Variants in CTTNBP2 observed in about 807,000 individuals in gnomAD.
CTTNBP2 encodes cortactin-binding protein 2.
CTTNBP2 carries 108 observed loss-of-function variants against 156.9 expected under a neutral mutation model. The ratio of observed to expected loss-of-function variants is 0.69; its 90% CI spans 0.59 to 0.81. CTTNBP2 has a LOEUF of 0.81. Ranked by LOEUF, CTTNBP2 falls within the 30% of genes least tolerant of loss-of-function variation. The pLI is 0.00. For missense variants in CTTNBP2, 1,924 were observed against 2,035.4 expected (o/e 0.95, Z 1.05); for synonymous variants, 767 against 751.8 (o/e 1.02, Z -0.33).
intron 2 of CTTNBP2, among the ~76,000 whole-genome samples, chr7:117,825,017 G>T (rs1419929126): frequency 6.6e-6 from 1 of 152,124 alleles, no homozygotes; most frequent in Non-Finnish European, 1.5e-5. Context: ...TTATCCATAA[G>T]CAGGGCATGC....
intron 8 of CTTNBP2, among the ~76,000 whole-genome samples, chr7:117,768,091 GCA>G (rs34630353): frequency 0.81 from 119,669 of 148,390 alleles, 48,216 homozygotes; most frequent in East Asian, 0.97. Context: ...TCCTGTAAAT[GCA>G]CACACACACA....
intron 2 of CTTNBP2, among the ~76,000 whole-genome samples, chr7:117,854,621 C>T (rs554782022): frequency 3.0e-4 from 45 of 152,212 alleles, no homozygotes; most frequent in African/African-American, 1.0e-3. Flanking sequence ...ATATGTAATA[C>T]ATTTTGAAAG....
rs2116371100 is a variant in CTTNBP2 at position 117,719,408 on chromosome 7, T to TATCA, written c.4644+92_4644+95dup. 5.1e-6 allele frequency: 6 copies of TATCA among 1,167,316 alleles called. No individual in the cohort carries two copies. In the South Asian group the frequency reaches 9.3e-5, roughly 18 times the overall value. 72.3% of individuals were successfully genotyped at this position (1,167,316 alleles called of 1,614,324 possible). A position where few individuals can be genotyped will look rare whatever the true frequency, so the allele number is the denominator to read the frequency against. On this transcript the variant is annotated intron_variant, in intron 21 of 22. Coordinates refer to ENST00000160373, the MANE Select transcript of CTTNBP2 (RefSeq NM_033427.3). ...GTTTGATTTGGATCATTAACCATAC[T>TATCA]ATCAATAAGGAATTTCTTTTAGGGA...
At chr7:117,719,059 G>A (rs1051459059) in intron 21 of CTTNBP2, among the ~76,000 whole-genome samples, 14 of 152,074 alleles carry the variant, frequency 9.2e-5, no homozygotes, top group South Asian at 2.1e-4. Context: ...TTAGCCAGGC[G>A]TTGTGGGGGA....
intron 4 of CTTNBP2, among the ~76,000 whole-genome samples, chr7:117,787,904 GGAGGGA>G (rs1303340927): frequency 6.6e-6 from 1 of 152,170 alleles, no homozygotes; most frequent in South Asian, 2.1e-4. Context: ...AGTTCTCCAA[GGAGGGA>G]GAGGTAGTTT....
intron 22 of CTTNBP2, among the ~76,000 whole-genome samples, chr7:117,715,053 G>T (rs1396009599): frequency 3.3e-5 from 5 of 152,164 alleles, no homozygotes; most frequent in Non-Finnish European, 7.3e-5. Context: ...TAAAGAATTG[G>T]TAAATCAGAG....
chr7:117,783,059 C>A, intron 5 of CTTNBP2, 98 bp from the exon 6 acceptor site: 1 of 788,078 alleles, frequency 1.3e-6, no homozygotes, highest in Non-Finnish European at 2.1e-6. Flanking sequence ...CCCAAAGGGA[C>A]TCTCCCCTGC....
intron 1 of CTTNBP2, among the ~76,000 whole-genome samples, chr7:117,862,227 T>C (rs900912453): frequency 7.7e-6 from 1 of 130,368 alleles, no homozygotes; most frequent in Non-Finnish European, 1.6e-5. Context: ...TTGGCAGGCC[T>C]GGGAGGGAGC....
Position 117,804,559 on chromosome 7 carries a change from G to A in CTTNBP2, c.414+6206C>T, listed in dbSNP as rs139170818. Among the ~76,000 whole-genome samples the A allele has an allele frequency of 2.1e-4, 32 of 152,204 alleles. No homozygotes were observed. The South Asian group carries it at 2.7e-3, about 13-fold the overall frequency. ...TGACAGACTGGATAAAGAAAATGTC[G>A]TACATATACACCATGGGATACTATA... On this transcript the variant is annotated intron_variant, in intron 3 of 22. Coordinates refer to ENST00000160373, the MANE Select transcript of CTTNBP2 (RefSeq NM_033427.3).
chr7:117,719,880 C>T (rs1264489294), intron 20 of CTTNBP2, among the ~76,000 whole-genome samples: 1 of 152,132 alleles, frequency 6.6e-6, no homozygotes, highest in East Asian at 1.9e-4. Context: ...GTACAATATT[C>T]CAAGCTCCTT....
At chr7:117,731,643 T>C (rs146307190) in intron 16 of CTTNBP2, among the ~76,000 whole-genome samples, 262 of 152,342 alleles carry the variant, frequency 1.7e-3, no homozygotes, top group African/African-American at 4.8e-3. Context: ...TACTGGAGCT[T>C]GGTGTGCCAC....
At chr7:117,746,848 T>C (rs1157012237) in intron 12 of CTTNBP2, among the ~76,000 whole-genome samples, 1 of 152,206 alleles carries the variant, frequency 6.6e-6, no homozygotes, top group Non-Finnish European at 1.5e-5. Context: ...CCTGCCTGTA[T>C]GCTTATATAT....
chr7:117,817,795 T>C (rs1800708968), intron 2 of CTTNBP2, among the ~76,000 whole-genome samples: 1 of 152,190 alleles, frequency 6.6e-6, no homozygotes, highest in African/African-American at 2.4e-5. Context: ...AGGTGCTTTT[T>C]ATGCATTTTG....
chr7:117,787,511 G>T (rs1335692872), intron 4 of CTTNBP2, among the ~76,000 whole-genome samples: 1 of 152,034 alleles, frequency 6.6e-6, no homozygotes, highest in Non-Finnish European at 1.5e-5. Flanking sequence ...ATAGGGAAAA[G>T]GTGTAAACCA....
intron 19 of CTTNBP2, among the ~76,000 whole-genome samples, chr7:117,722,389 G>GACTCA (rs1042030383): frequency 2.0e-5 from 3 of 151,814 alleles, no homozygotes; most frequent in African/African-American, 7.3e-5. Flanking sequence ...CCCAACTACT[G>GACTCA]ACTCATGAAT....
At chr7:117,761,520 A>T (rs886165852) in intron 9 of CTTNBP2, among the ~76,000 whole-genome samples, 1 of 152,226 alleles carries the variant, frequency 6.6e-6, no homozygotes, top group Non-Finnish European at 1.5e-5. Context: ...TTATTGAATT[A>T]AGTATTCCAT....
chr7:117,798,616 T>C (rs926241617), intron 3 of CTTNBP2, among the ~76,000 whole-genome samples: 1 of 152,098 alleles, frequency 6.6e-6, no homozygotes, highest in African/African-American at 2.4e-5. Context: ...CGATATGGCT[T>C]TAAATGTTTA....
intron 2 of CTTNBP2, among the ~76,000 whole-genome samples, chr7:117,837,531 T>C (rs1376657214): frequency 6.6e-6 from 1 of 152,194 alleles, no homozygotes; most frequent in Non-Finnish European, 1.5e-5. Flanking sequence ...GGACCCAGAA[T>C]TATTTTGAAT....
intron 22 of CTTNBP2, among the ~76,000 whole-genome samples, chr7:117,717,757 A>C (rs976149418): frequency 2.6e-5 from 4 of 151,748 alleles, no homozygotes; most frequent in East Asian, 1.9e-4. Flanking sequence ...AAAAAAAAAA[A>C]CATGGAGATC....
Sources: gnomAD v4.1 joint callset for allele counts (sites outside exome capture counted in the v4.1 genomes callset) on GRCh38, gnomAD v4.1.1 for gene constraint, MANE v1.5 for transcripts, NCBI Gene and HGNC (gene_info 2026-07-23, HGNC 2026-07-21) for gene names.